Variants in PTPRJ observed in about 807,000 individuals in gnomAD.
PTPRJ encodes the protein protein tyrosine phosphatase receptor type J, also known as receptor-type tyrosine-protein phosphatase eta.
In PTPRJ, 129 loss-of-function variants were observed where a neutral mutation model predicts 141.3. That is an observed-to-expected ratio of 0.91 (90% CI 0.79 to 1.06). The LOEUF is 1.06. PTPRJ is among the 50% of genes least tolerant of loss of function. The pLI is 0.00. For missense variants in PTPRJ, 1,601 were observed against 1,679.7 expected, an observed-to-expected ratio of 0.95 and a Z score of 0.82; for synonymous variants, 610 against 640.5, an observed-to-expected ratio of 0.95 and a Z score of 0.72.
rs576488364 is a variant in PTPRJ at position 48,026,458 on chromosome 11, C to T, written c.96+45450C>T. On this transcript the variant is annotated intron_variant, in intron 1 of 24. Transcript: ENST00000418331. ...CTTCCTGCTGTGGCCATGAGCCTCACTGGGGCTTGACTTGAATGTTAGGAC... is the reference window on the plus strand; with the variant it reads ...CTTCCTGCTGTGGCCATGAGCCTCATTGGGGCTTGACTTGAATGTTAGGAC... Among the ~76,000 whole-genome samples, 26 of 151,698 alleles carry T rather than the reference C, an allele frequency of 1.7e-4. No individual in the cohort carries two copies. In the South Asian group the frequency reaches 5.2e-3, roughly 30 times the overall value.
chr11:48,089,325 C>T (rs1045316271), intron 1 of PTPRJ, among the ~76,000 whole-genome samples: 22 of 151,942 alleles, frequency 1.4e-4, no homozygotes, highest in African/African-American at 3.6e-4. Flanking sequence ...GAGACTAGCC[C>T]GGGGAACATG....
At chr11:48,023,275 T>C (rs1053439520) in intron 1 of PTPRJ, among the ~76,000 whole-genome samples, 36 of 152,206 alleles carry the variant, frequency 2.4e-4, no homozygotes, top group African/African-American at 8.0e-4. Context: ...CAGTGGTTCA[T>C]ATTCTTGCTA....
intron 1 of PTPRJ, among the ~76,000 whole-genome samples, chr11:48,089,110 A>C (rs1855792738): frequency 6.6e-6 from 1 of 152,208 alleles, no homozygotes; most frequent in East Asian, 1.9e-4. Context: ...TTGGTTATTT[A>C]TTCATACCAA....
intron 1 of PTPRJ, among the ~76,000 whole-genome samples, chr11:48,054,723 G>A (rs1229656971): frequency 6.6e-6 from 1 of 151,890 alleles, no homozygotes; most frequent in African/African-American, 2.4e-5. Flanking sequence ...GTTAGAGTAG[G>A]TTTTAATTCT....
At chr11:48,122,265 G>A (rs1341920853) in intron 4 of PTPRJ, among the ~76,000 whole-genome samples, 7 of 152,180 alleles carry the variant, frequency 4.6e-5, no homozygotes. Flanking sequence ...GATGACAGAA[G>A]AGAAGAGAAT....
At chr11:48,115,207 A>G (rs978924607) in intron 3 of PTPRJ, among the ~76,000 whole-genome samples, 4 of 152,250 alleles carry the variant, frequency 2.6e-5, no homozygotes, top group Non-Finnish European at 4.4e-5. Flanking sequence ...CAGGAAGGAC[A>G]AATGACTCCA....
chr11:48,163,593 G>A lies in PTPRJ; in HGVS notation c.3694G>A (p.Glu1232Lys), dbSNP rs549361841. The change falls in exon 23 of 25, where the codon GAA (glutamate) becomes AAA (lysine). Residue 1232 changes from glutamate to lysine, a missense_variant. Glu to Lys is a moderately conservative substitution (Grantham distance 56). Coordinates refer to ENST00000418331, the MANE Select transcript of PTPRJ (RefSeq NM_002843.4). Reference sequence around the variant, plus strand: ...TGACTACATGAAGCAGAGTCCTCCCGAATCGCCGATTCTGGTGCATTGCAG... The same window carrying A: ...TGACTACATGAAGCAGAGTCCTCCCAAATCGCCGATTCTGGTGCATTGCAG... The part of the protein sequence containing the change: ...VRDYMKQSPP[E>K]SPILVHCSAG... The A allele has an allele frequency of 2.2e-5, 35 of 1,613,958 alleles. No individual in the cohort carries two copies. In the Admixed American group the frequency reaches 4.0e-4, roughly 18 times the overall value.
At chr11:48,157,539 C>T (rs1232649100) in intron 21 of PTPRJ, among the ~76,000 whole-genome samples, 1 of 152,210 alleles carries the variant, frequency 6.6e-6, no homozygotes, top group Admixed American at 6.5e-5. Context: ...TTCGGAATTG[C>T]GTTTCTGCCA....
At chr11:48,070,211 G>T (rs541034689) in intron 1 of PTPRJ, among the ~76,000 whole-genome samples, 2 of 152,214 alleles carry the variant, frequency 1.3e-5, no homozygotes, top group Non-Finnish European at 2.9e-5. Context: ...TTGAGAAATG[G>T]CACAAGGGGC....
intron 2 of PTPRJ, 43 bp downstream of exon 2, chr11:48,110,119 G>GC (rs761691874): frequency 2.0e-5 from 32 of 1,586,398 alleles, no homozygotes; most frequent in Non-Finnish European, 2.8e-5. Flanking sequence ...GTTCGCTACT[G>GC]CCCCCTAATG....
chr11:48,154,036 T>C, intron 19 of PTPRJ, 150 bp downstream of exon 19: 2 of 682,014 alleles, frequency 2.9e-6, no homozygotes. Flanking sequence ...ATTATTCACC[T>C]ACTATGTGCT....
At chr11:48,079,824 C>T (rs1855513480) in intron 1 of PTPRJ, among the ~76,000 whole-genome samples, 1 of 152,166 alleles carries the variant, frequency 6.6e-6, no homozygotes, top group Admixed American at 6.5e-5. Context: ...AACTTCCCTA[C>T]AGTCCCGTGC....
intron 22 of PTPRJ, among the ~76,000 whole-genome samples, chr11:48,161,917 A>T (rs905861242): frequency 8.5e-5 from 13 of 152,088 alleles, no homozygotes; most frequent in Non-Finnish European, 1.0e-4. Context: ...CCGGCCTGTC[A>T]TGCTTATTTC....
intron 1 of PTPRJ, among the ~76,000 whole-genome samples, chr11:47,995,355 T>C (rs944058708): frequency 6.6e-5 from 10 of 152,222 alleles, no homozygotes; most frequent in Non-Finnish European, 1.3e-4. Flanking sequence ...GCCAGCTAGT[T>C]GTGGGCTTCC....
chr11:48,145,254 G>A (rs1309254725), intron 14 of PTPRJ, 130 bp downstream of exon 14: 2 of 1,324,228 alleles, frequency 1.5e-6, no homozygotes, highest in African/African-American at 1.5e-5. Flanking sequence ...TCCCCTCCCA[G>A]AGGTTGAGAT....
At position 48,020,707 on chromosome 11, in the gene PTPRJ, C is replaced by T. The variant is rs562484823; in HGVS notation, c.96+39699C>T. The stretch of plus-strand genomic sequence containing the variant: ...CGATTCCACAGTTGCCAGCTTCCAG[C>T]ATGGAGCTTCTGGAAGTATCACGGA... On this transcript the variant is annotated intron_variant, in intron 1 of 24. Coordinates refer to ENST00000418331, the MANE Select transcript of PTPRJ (RefSeq NM_002843.4). Among the ~76,000 whole-genome samples, 4 of 152,294 alleles carry T rather than the reference C, an allele frequency of 2.6e-5. No homozygotes were observed. In the South Asian group the frequency reaches 8.3e-4, roughly 32 times the overall value.
chr11:48,065,442 G>A (rs1855060952), intron 1 of PTPRJ, among the ~76,000 whole-genome samples: 1 of 151,990 alleles, frequency 6.6e-6, no homozygotes, highest in African/African-American at 2.4e-5. Context: ...CCCCACCTGG[G>A]GTACCCCTCA....
intron 1 of PTPRJ, among the ~76,000 whole-genome samples, chr11:48,046,837 C>T (rs1028777614): frequency 1.4e-5 from 2 of 147,084 alleles, no homozygotes; most frequent in African/African-American, 5.0e-5. Context: ...TTGAGCAGAC[C>T]GTAGGTTGAA....
chr11:48,142,389 T>G (rs1445142614), intron 11 of PTPRJ, among the ~76,000 whole-genome samples: 2 of 152,124 alleles, frequency 1.3e-5, no homozygotes, highest in Non-Finnish European at 2.9e-5. Context: ...AAATTGCCAT[T>G]GGGATTTTGA....
Sources: gnomAD v4.1 joint callset for allele counts (sites outside exome capture counted in the v4.1 genomes callset) on GRCh38, gnomAD v4.1.1 for gene constraint, MANE v1.5 for transcripts, NCBI Gene and HGNC (gene_info 2026-07-23, HGNC 2026-07-21) for gene names.